The following RAB15 variants were observed in gnomAD, a reference collection of about 807,000 sequenced individuals.
RAB15 encodes the protein RAB15, member RAS oncogene family.
Under a neutral mutation model 31.8 loss-of-function variants are expected in RAB15, and 13 were observed. The observed-to-expected ratio is 0.41, with a 90% CI of 0.27 to 0.65. RAB15 has a LOEUF of 0.65. RAB15 is among the 30% of genes least tolerant of loss of function. The pLI is 0.32. For synonymous variants in RAB15, 100 were observed against 105.6 expected (o/e 0.95, Z 0.33); for missense variants, 220 against 277.3 (o/e 0.79, Z 1.47).
rs1310459635 is a variant in RAB15, at chr14:64,953,835, C to T, written c.125-1264G>A. ...AAGGTCAGGAGTGGGCATGATCAGC[C>T]ACAGTTTTCAGATGGGAACATGGTA... On this transcript the variant is annotated intron_variant, in intron 1 of 6. Coordinates refer to ENST00000533601, the MANE Select transcript of RAB15 (RefSeq NM_001308154.2). The surrounding 1 kb of genome is among the most constrained non-coding windows in gnomAD (Gnocchi z 4.6). 1.0e-6 allele frequency: 1 copy of T among 985,222 alleles called. No individual in the cohort carries two copies. Among genetic ancestry groups the T allele is most frequent in the African/African-American group, 1.7e-5 (1 of 57,202 alleles). The allele number at this position is 985,222 out of a possible 1,614,324, so 61.0% of individuals were successfully genotyped here. A position where few individuals can be genotyped will look rare whatever the true frequency, so the allele number is the denominator to read the frequency against.
rs912592801 is a variant in RAB15, at chr14:64,962,289, G to A, written c.124+9664C>T. Among the ~76,000 whole-genome samples the A allele has an allele frequency of 1.3e-5, 2 of 152,184 alleles. No homozygotes were observed. The highest frequency in any genetic ancestry group is 2.9e-5 in the Non-Finnish European group (2 of 68,026). On this transcript the variant is annotated intron_variant, in intron 1 of 6. Transcript: ENST00000533601. This position sits in a 1 kb window ranked among gnomAD's most constrained non-coding sequence, Gnocchi z 4.2. ...ACGACCTATAACTTCCCTCAGGGAA[G>A]AACAGAAGTCCTCTAGGAAAATGCA...
chr14:64,965,462 AAAAAT>A (rs1264757026), intron 1 of RAB15, among the ~76,000 whole-genome samples: 1 of 152,160 alleles, frequency 6.6e-6, no homozygotes, highest in South Asian at 2.1e-4. Flanking sequence ...TTCATCTCAA[AAAAAT>A]AAAATAAAAT....
chr14:64,959,848 C>CAAAAAAA (rs34981340), intron 1 of RAB15, among the ~76,000 whole-genome samples: 3 of 42,050 alleles, frequency 7.1e-5, no homozygotes, highest in African/African-American at 2.0e-4. Flanking sequence ...GACCCTGTCT[C>CAAAAAAA]AAAAAAAAAA....
rs1436593493 is a variant in RAB15 at position 64,948,928 on chromosome 14, T to C, written c.415-195A>G. 2.0e-5 allele frequency among the ~76,000 whole-genome samples: 3 copies of C among 152,110 alleles called. No individual in the cohort carries two copies. On this transcript the variant is annotated intron_variant, in intron 5 of 6. Transcript: ENST00000533601. The surrounding 1 kb of genome is among the most constrained non-coding windows in gnomAD (Gnocchi z 7.0). The stretch of plus-strand genomic sequence containing the variant: ...AATGGGGGAAGATCCTCCACAAATA[T>C]GCCTCTCCATTCTTCCAGCTGCCAC...
At chr14:64,966,902 A>T (rs1175868986) in intron 1 of RAB15, among the ~76,000 whole-genome samples, 1 of 152,132 alleles carries the variant, frequency 6.6e-6, no homozygotes, top group African/African-American at 2.4e-5. Flanking sequence ...TCACAACGTC[A>T]CACTGCATTT....
chr14:64,965,118 A>G (rs547541871), intron 1 of RAB15, among the ~76,000 whole-genome samples: 6 of 152,234 alleles, frequency 3.9e-5, no homozygotes, highest in Admixed American at 6.5e-5. Context: ...GTTAATTTAA[A>G]AAGTGTTTTT....
rs1887447781 is a variant in RAB15, at chr14:64,971,931, G to A, written c.124+22C>T. On this transcript the variant is annotated intron_variant, in intron 1 of 6. Coordinates refer to ENST00000533601, the MANE Select transcript of RAB15 (RefSeq NM_001308154.2). The surrounding 1 kb of genome is among the most constrained non-coding windows in gnomAD (Gnocchi z 4.1). ...GGGCCGCGGGCGGGGAGGGAGGGGC[G>A]CCCCGGGCCACCGCCCCTTACCGAT... 2 of 1,548,204 alleles carry A rather than the reference G, an allele frequency of 1.3e-6. No individual in the cohort carries two copies. The highest frequency in any genetic ancestry group is 2.4e-5 in the East Asian group (1 of 40,858).
At chr14:64,964,391 G>A (rs1340227787) in intron 1 of RAB15, among the ~76,000 whole-genome samples, 5 of 151,448 alleles carry the variant, frequency 3.3e-5, no homozygotes, top group Admixed American at 2.0e-4. Context: ...GCGTGGTGGT[G>A]CGTGCCTGTA....
chr14:64,961,689 C>G (rs112541845), intron 1 of RAB15, among the ~76,000 whole-genome samples: 4,751 of 152,244 alleles, frequency 0.031, 105 homozygotes, highest in Middle Eastern at 0.078. Flanking sequence ...GTGAGGATCA[C>G]TTGAACCCAA....
intron 1 of RAB15, among the ~76,000 whole-genome samples, chr14:64,963,629 T>TA (rs1886975070): frequency 6.6e-6 from 1 of 152,126 alleles, no homozygotes; most frequent in African/African-American, 2.4e-5. Flanking sequence ...GCAAACATCT[T>TA]AGAAAGAAGG....
In RAB15 at chr14:64,951,393, A is replaced by C. The variant is rs1886240219; in HGVS notation, c.246+210T>G. 6.6e-6 allele frequency among the ~76,000 whole-genome samples: 1 copy of C among 152,178 alleles called. No homozygotes were observed. Among genetic ancestry groups the C allele is most frequent in the African/African-American group, 2.4e-5 (1 of 41,442 alleles). ...TCTTTGACCCAGGATGGAGGGTGGA[A>C]GTCAGGGGTGAGGGCAGGGGCCTGC... On this transcript the variant is annotated intron_variant, in intron 3 of 6. Transcript: ENST00000533601. The surrounding 1 kb of genome is among the most constrained non-coding windows in gnomAD (Gnocchi z 7.2).
rs1885927726 is a variant in RAB15 at position 64,946,477 on chromosome 14, T to C, written c.*1877A>G. 1 of 152,314 alleles carries C rather than the reference T, an allele frequency of 6.6e-6. No individual in the cohort carries two copies. Among genetic ancestry groups the C allele is most frequent in the African/African-American group, 2.4e-5 (1 of 41,466 alleles). The allele number at this position is 152,314 out of a possible 1,614,324, so 9.4% of individuals were successfully genotyped here. On this transcript the variant is annotated 3_prime_UTR_variant, in exon 7 of 7. Transcript: ENST00000533601. ...CAACTCCAGCCTAGTCACAGCTTCA[T>C]CCTAGAGTTAGCTGTCTCCTTTTCT...
Position 64,948,837 on chromosome 14 carries a change from G to T in RAB15, c.415-104C>A, listed in dbSNP as rs1886071327. On this transcript the variant is annotated intron_variant, in intron 5 of 6. Transcript: ENST00000533601. The surrounding 1 kb of genome is among the most constrained non-coding windows in gnomAD (Gnocchi z 7.0). Reference sequence around the variant, plus strand: ...ACTGCACTCACAACCATGCTGTGTTGTGACGATTTCTCAGAGTAGATAATT... The same window carrying T: ...ACTGCACTCACAACCATGCTGTGTTTTGACGATTTCTCAGAGTAGATAATT... The T allele has an allele frequency of 1.0e-6, 1 of 998,316 alleles. No homozygotes were observed. The highest frequency in any genetic ancestry group is 1.4e-5 in the South Asian group (1 of 72,006). 61.8% of individuals were successfully genotyped at this position (998,316 alleles called of 1,614,324 possible).
In RAB15 at chr14:64,948,340, G is replaced by A. The variant is rs1328346520; in HGVS notation, c.*14C>T. The A allele has an allele frequency of 1.4e-5, 21 of 1,515,618 alleles. No homozygotes were observed. The highest frequency in any genetic ancestry group is 1.8e-5 in the Non-Finnish European group (20 of 1,138,048). 93.9% of individuals were successfully genotyped at this position (1,515,618 alleles called of 1,614,324 possible). A position where few individuals can be genotyped will look rare whatever the true frequency, so the allele number is the denominator to read the frequency against. On this transcript the variant is annotated 3_prime_UTR_variant, in exon 7 of 7. Transcript: ENST00000533601. The surrounding 1 kb of genome is among the most constrained non-coding windows in gnomAD (Gnocchi z 7.0). The stretch of plus-strand genomic sequence containing the variant: ...AGGGAAGAGGGGTGTCGTGTGGGGT[G>A]CCCCACACAGGACTCAGCACCAGCA...
At chr14:64,965,602 A>G (rs1436643632) in intron 1 of RAB15, among the ~76,000 whole-genome samples, 1 of 152,222 alleles carries the variant, frequency 6.6e-6, no homozygotes, top group Non-Finnish European at 1.5e-5. Context: ...GCAGAGGCCT[A>G]TACAGAAAAC....
chr14:64,953,105 C>G lies in RAB15; in HGVS notation c.125-534G>C, dbSNP rs1886350716. ...TTGTACCTGAAGCCTCAGCACCCAG[C>G]CAAGGCTCACCAAAAAGAAGGCCTC... On this transcript the variant is annotated intron_variant, in intron 1 of 6. Transcript: ENST00000533601. This position sits in a 1 kb window ranked among gnomAD's most constrained non-coding sequence, Gnocchi z 4.6. Among the ~76,000 whole-genome samples the G allele has an allele frequency of 6.6e-6, 1 of 152,200 alleles. No homozygotes were observed. The highest frequency in any genetic ancestry group is 1.5e-5 in the Non-Finnish European group (1 of 68,048).
rs1488473895 is a variant in RAB15, at chr14:64,955,326, C to T, written c.125-2755G>A. Among the ~76,000 whole-genome samples, 5 of 152,164 alleles carry T rather than the reference C, an allele frequency of 3.3e-5. No individual in the cohort carries two copies. On this transcript the variant is annotated intron_variant, in intron 1 of 6. Coordinates refer to ENST00000533601, the MANE Select transcript of RAB15 (RefSeq NM_001308154.2). This position sits in a 1 kb window ranked among gnomAD's most constrained non-coding sequence, Gnocchi z 4.4. Reference sequence around the variant, plus strand: ...AATCTATTGCTTCTGCGCTCTGTTCCCACACAACCTGGGCCTTCAGCTGTG... The same window carrying T: ...AATCTATTGCTTCTGCGCTCTGTTCTCACACAACCTGGGCCTTCAGCTGTG...
In RAB15 at chr14:64,950,420, G is replaced by A. The variant is rs759925971; in HGVS notation, c.325-6C>T. On this transcript the variant is annotated splice_polypyrimidine_tract_variant and splice_region_variant and intron_variant, in intron 4 of 6. Coordinates refer to ENST00000533601, the MANE Select transcript of RAB15 (RefSeq NM_001308154.2). The surrounding 1 kb of genome is among the most constrained non-coding windows in gnomAD (Gnocchi z 5.6). The stretch of plus-strand genomic sequence containing the variant: ...TGGACGCCTTCTGGTGCGTACTAGG[G>A]ACAAAGGATGGGCAGAACAGCCAGT... 3.7e-6 allele frequency: 6 copies of A among 1,612,046 alleles called. No homozygotes were observed. In the South Asian group the frequency reaches 6.6e-5, roughly 18 times the overall value.
At position 64,948,668 on chromosome 14, in the gene RAB15, C is replaced by T. The variant is rs1886058470; in HGVS notation, c.480G>A (p.Glu160=). 9 of 1,614,106 alleles carry T rather than the reference C, an allele frequency of 5.6e-6. No individual in the cohort carries two copies. Among genetic ancestry groups the T allele is most frequent in the Non-Finnish European group, 7.6e-6 (9 of 1,180,004 alleles). Residue 160 remains glutamate (E), a splice_region_variant and synonymous_variant, in exon 6 of 7, where the codon GAG becomes GAA. Transcript: ENST00000533601. The surrounding 1 kb of genome is among the most constrained non-coding windows in gnomAD (Gnocchi z 7.0). ...GGCGCCTGGTCACCAGGGCTCTCAC[C>T]TCTTTAATGTTGAGGTTGGTGCAGG... The part of the protein sequence containing the change: ...TSACTNLNIK[E]SFTRLTELVL...
Sources: allele counts gnomAD v4.1 joint callset (sites outside exome capture counted in the v4.1 genomes callset), GRCh38; gene constraint gnomAD v4.1.1; non-coding constraint Gnocchi (gnomAD v3.1); transcripts MANE v1.5; gene names NCBI Gene and HGNC (gene_info 2026-07-23, HGNC 2026-07-21).